The following IGSF11 variants were observed in gnomAD, a reference collection of about 807,000 sequenced individuals.
IGSF11 encodes immunoglobulin superfamily member 11, also known as CXADR like 1.
A neutral mutation model predicts 41.0 loss-of-function variants in IGSF11; 22 were observed. That is an observed-to-expected ratio of 0.54 (90% confidence interval 0.38 to 0.77). The LOEUF (loss-of-function observed/expected upper bound fraction) is 0.77, where lower values mean the gene tolerates loss of function less well. Among genes scored for constraint, IGSF11 ranks in the 30% least tolerant of loss-of-function variants. The pLI is 0.00. For synonymous variants in IGSF11, 219 were observed against 201.3 expected (o/e 1.09, Z -0.74); for missense variants, 444 against 530.8 (o/e 0.84, Z 1.61).
At chr3:119,108,129 T>G (rs1205850580), upstream of IGSF11, among the ~76,000 whole-genome samples, 10 of 150,716 alleles carry the variant, frequency 6.6e-5, no homozygotes, top group South Asian at 1.3e-3. Context: ...GTGAAGAAAG[T>G]CATTGGTAGC....
chr3:118,950,708 A>C (rs551711815), intron 1 of IGSF11, among the ~76,000 whole-genome samples: 17 of 152,226 alleles, frequency 1.1e-4, no homozygotes, highest in Admixed American at 7.9e-4. Context: ...CAAAACTAAA[A>C]GTATGGTGTT....
upstream of IGSF11, among the ~76,000 whole-genome samples, chr3:119,108,064 A>G (rs1329526487): frequency 2.1e-3 from 313 of 149,892 alleles, 1 homozygote; most frequent in African/African-American, 6.9e-3. Context: ...TTGACTTGGC[A>G]ATGCGGGCTC....
intron 1 of IGSF11, among the ~76,000 whole-genome samples, chr3:119,002,189 T>C (rs1271035779): frequency 6.6e-5 from 9 of 135,802 alleles, no homozygotes; most frequent in Non-Finnish European, 7.7e-5. Context: ...TGATATCTCA[T>C]AGTGGTTTTG....
At chr3:119,098,397 TATAAC>T (rs768989108) in intron 1 of IGSF11, among the ~76,000 whole-genome samples, 7 of 152,194 alleles carry the variant, frequency 4.6e-5, no homozygotes, top group Non-Finnish European at 7.3e-5. Context: ...TACTATGTCT[TATAAC>T]ATATTTGCAT....
At chr3:119,118,311 A>T (rs1224533476) in intron 1 of IGSF11, among the ~76,000 whole-genome samples, 1 of 152,158 alleles carries the variant, frequency 6.6e-6, no homozygotes, top group East Asian at 1.9e-4. Context: ...CTAGGTGGAG[A>T]TTCCCAAACC....
At chr3:119,118,055 T>C (rs1045743939) in intron 1 of IGSF11, among the ~76,000 whole-genome samples, 7 of 152,168 alleles carry the variant, frequency 4.6e-5, no homozygotes, top group Non-Finnish European at 7.4e-5. Context: ...GGGCTGGCAT[T>C]GAATGTCTGT....
At chr3:119,139,017 G>A (rs562644090) in intron 1 of IGSF11, among the ~76,000 whole-genome samples, 2 of 152,238 alleles carry the variant, frequency 1.3e-5, no homozygotes, top group South Asian at 2.1e-4. Context: ...CTAAAAAAGT[G>A]TAATTGGATT....
chr3:119,030,039 T>C (rs1369391551), intron 1 of IGSF11, among the ~76,000 whole-genome samples: 2 of 152,202 alleles, frequency 1.3e-5, no homozygotes, highest in Non-Finnish European at 2.9e-5. Flanking sequence ...GAACTCTACA[T>C]GGTATAAGAA....
Position 119,051,161 on chromosome 3 carries a change from A to G in IGSF11, c.49+53983T>C, listed in dbSNP as rs533716502. Among the ~76,000 whole-genome samples the G allele has an allele frequency of 8.6e-5, 13 of 150,938 alleles. No individual in the cohort carries two copies. The East Asian group carries it at 2.5e-3, about 29-fold the overall frequency. On this transcript the variant is annotated intron_variant, in intron 1 of 6. Transcript: ENST00000354673. ...TAAAGTATAATAATAATTAATAAATAAATAAATAAATAAATAAATTTCAAA... is the reference window on the plus strand; with the variant it reads ...TAAAGTATAATAATAATTAATAAATGAATAAATAAATAAATAAATTTCAAA...
intron 1 of IGSF11, among the ~76,000 whole-genome samples, chr3:118,968,248 T>C (rs532834413): frequency 6.6e-6 from 1 of 152,290 alleles, no homozygotes; most frequent in Non-Finnish European, 1.5e-5. Context: ...TAGGGGAAGG[T>C]GCTGAACGAG....
At chr3:119,127,880 G>A (rs2107535756) in intron 1 of IGSF11, among the ~76,000 whole-genome samples, 1 of 152,316 alleles carries the variant, frequency 6.6e-6, no homozygotes. Flanking sequence ...CAGCAGGCCT[G>A]CCCTGCAAGA....
At chr3:119,057,778 C>T (rs374410125) in intron 1 of IGSF11, among the ~76,000 whole-genome samples, 2,603 of 152,116 alleles carry the variant, frequency 0.017, 76 homozygotes, top group African/African-American at 0.058. Flanking sequence ...AACAGAGATA[C>T]AGACCAATGG....
At chr3:119,120,986 T>C (rs1030673927) in intron 1 of IGSF11, among the ~76,000 whole-genome samples, 2 of 152,188 alleles carry the variant, frequency 1.3e-5, no homozygotes, top group African/African-American at 4.8e-5. Flanking sequence ...TCCTGTATTA[T>C]CATGACCTAT....
chr3:119,134,588 T>C (rs1479729722), intron 1 of IGSF11, among the ~76,000 whole-genome samples: 1 of 152,086 alleles, frequency 6.6e-6, no homozygotes, highest in East Asian at 1.9e-4. Context: ...TGAAAGAACA[T>C]TCCATGCTCA....
intron 1 of IGSF11, among the ~76,000 whole-genome samples, chr3:119,120,765 G>C (rs1169203843): frequency 6.6e-6 from 1 of 152,188 alleles, no homozygotes; most frequent in Non-Finnish European, 1.5e-5. Context: ...AAGGAAAAGA[G>C]GGCAGGAGAC....
At chr3:119,030,626 G>A (rs1406963877) in intron 1 of IGSF11, among the ~76,000 whole-genome samples, 3 of 152,116 alleles carry the variant, frequency 2.0e-5, no homozygotes, top group Non-Finnish European at 4.4e-5. Flanking sequence ...CCACTTTTAA[G>A]ACCAAACTCA....
chr3:118,933,074 A>C (rs34127727), intron 1 of IGSF11, among the ~76,000 whole-genome samples: 13,150 of 152,306 alleles, frequency 0.086, 681 homozygotes, highest in Middle Eastern at 0.12. Context: ...GGGGCAGCAG[A>C]AGTTGTGAAA....
intron 1 of IGSF11, among the ~76,000 whole-genome samples, chr3:118,988,993 C>G (rs1228073399): frequency 1.3e-5 from 2 of 152,122 alleles, no homozygotes; most frequent in Non-Finnish European, 2.9e-5. Flanking sequence ...AAAACCCTAC[C>G]CAAAGAAATG....
chr3:119,056,123 G>C (rs1200261366), intron 1 of IGSF11, among the ~76,000 whole-genome samples: 1 of 151,956 alleles, frequency 6.6e-6, no homozygotes, highest in Non-Finnish European at 1.5e-5. Context: ...ACTAAGATGA[G>C]AGCAGAACTG....
Sources: gnomAD v4.1 joint callset for allele counts (sites outside exome capture counted in the v4.1 genomes callset) on GRCh38, gnomAD v4.1.1 for gene constraint, MANE v1.5 for transcripts, NCBI Gene and HGNC (gene_info 2026-07-23, HGNC 2026-07-21) for gene names.